Variants in BTG4 observed in about 807,000 individuals in gnomAD.
The protein encoded by BTG4 is protein BTG4.
BTG4 carries 10 observed loss-of-function variants against 19.3 expected under a neutral mutation model. The observed-to-expected ratio is 0.52, with a 90% CI of 0.32 to 0.88. The LOEUF (loss-of-function observed/expected upper bound fraction) is 0.88, where lower values mean the gene tolerates loss of function less well. BTG4 is among the 40% of genes least tolerant of loss of function. The probability of loss-of-function intolerance (pLI) is 0.04; values close to 1 mark genes in which losing one functional copy is unlikely to be tolerated. For missense variants in BTG4, 238 were observed against 281.9 expected (o/e 0.84, Z 1.11); for synonymous variants, 91 against 95.7 (o/e 0.95, Z 0.29).
intron 1 of BTG4, chr11:111,507,895 T>C (rs1866570852): frequency 6.6e-6 from 1 of 152,230 alleles, no homozygotes. Context: ...CAGACCTTTC[T>C]TGGAGAACTC....
chr11:111,488,707 T>C (rs1053273709), intron 5 of BTG4, among the ~76,000 whole-genome samples: 1 of 152,168 alleles, frequency 6.6e-6, no homozygotes, highest in African/African-American at 2.4e-5. Context: ...CTGACAGGTA[T>C]TAACTGCTAG....
the BTG4 span, among the ~76,000 whole-genome samples, chr11:111,434,704 T>TA: frequency 2.0e-3 from 282 of 143,236 alleles, 1 homozygote; most frequent in African/African-American, 4.4e-3. Context: ...AATAATTGTT[T>TA]AAAAAAAAAA....
intron 5 of BTG4, among the ~76,000 whole-genome samples, chr11:111,488,245 T>G (rs964773533): frequency 7.9e-5 from 12 of 152,174 alleles, no homozygotes; most frequent in African/African-American, 2.9e-4. Context: ...GGTACTGGCA[T>G]AAGAACATAC....
At chr11:111,424,300 C>G in the BTG4 span, among the ~76,000 whole-genome samples, 1 of 152,172 alleles carries the variant, frequency 6.6e-6, no homozygotes, top group Non-Finnish European at 1.5e-5. Flanking sequence ...CTAGCCTGGG[C>G]TCTAGAGCTG....
At chr11:111,510,678 G>T (rs1866832666) in intron 1 of BTG4, among the ~76,000 whole-genome samples, 1 of 150,322 alleles carries the variant, frequency 6.7e-6, no homozygotes, top group African/African-American at 2.4e-5. Flanking sequence ...CATATTTTTT[G>T]TCGTTATTTA....
At chr11:111,420,432 A>T in the BTG4 span, among the ~76,000 whole-genome samples, 1 of 152,168 alleles carries the variant, frequency 6.6e-6, no homozygotes, top group Admixed American at 6.5e-5. Context: ...TTACACAAAG[A>T]CCAAAAGACC....
chr11:111,477,666 A>G (rs1348621061), intron 5 of BTG4, among the ~76,000 whole-genome samples: 1 of 152,128 alleles, frequency 6.6e-6, no homozygotes, highest in East Asian at 1.9e-4. Flanking sequence ...TATGGAGGTG[A>G]GTTCTAAAGA....
the BTG4 span, among the ~76,000 whole-genome samples, chr11:111,413,475 C>T: frequency 1.3e-5 from 2 of 152,238 alleles, no homozygotes; most frequent in South Asian, 4.1e-4. Context: ...GTGATAGGTG[C>T]CCTCACATTC....
the BTG4 span, among the ~76,000 whole-genome samples, chr11:111,405,201 C>T: frequency 2.6e-5 from 4 of 151,892 alleles, no homozygotes; most frequent in African/African-American, 4.8e-5. Context: ...GTCAGGAGTT[C>T]GAGGCCAGCC....
chr11:111,390,305 T>C, the BTG4 span, among the ~76,000 whole-genome samples: 2 of 152,278 alleles, frequency 1.3e-5, no homozygotes, highest in Admixed American at 1.3e-4. Context: ...GTATTTGGCA[T>C]TAAGGATGGA....
At chr11:111,417,165 A>G in the BTG4 span, 1 of 152,230 alleles carries the variant, frequency 6.6e-6, no homozygotes, top group African/African-American at 2.4e-5. Context: ...AGCTTTCTTA[A>G]TAGACTGAGA....
At position 111,503,223 on chromosome 11, in the gene BTG4, A is replaced by G. The variant is rs529012382; in HGVS notation, c.-26-4421T>C. ...TTCAAACACTTGTAACCAACAGATTAATGTTATCATTGAAAGAATGAAGTT... is the reference window on the plus strand; with the variant it reads ...TTCAAACACTTGTAACCAACAGATTGATGTTATCATTGAAAGAATGAAGTT... On this transcript the variant is annotated intron_variant, in intron 1 of 4. Coordinates refer to ENST00000692032, the MANE Select transcript of BTG4 (RefSeq NM_001367975.1). Among the ~76,000 whole-genome samples, 7 of 152,338 alleles carry G rather than the reference A, an allele frequency of 4.6e-5. 1 individual carries two copies. The highest frequency in any genetic ancestry group is 1.7e-4 in the African/African-American group (7 of 41,592).
chr11:111,443,259 A>T, the BTG4 span, among the ~76,000 whole-genome samples: 7 of 152,258 alleles, frequency 4.6e-5, no homozygotes, highest in African/African-American at 1.7e-4. Flanking sequence ...GGAAAATTTG[A>T]GAAATTCTCT....
the BTG4 span, among the ~76,000 whole-genome samples, chr11:111,425,780 G>T: frequency 9.9e-3 from 1,502 of 152,278 alleles, 13 homozygotes; most frequent in African/African-American, 0.013. Context: ...GCCTATAATC[G>T]CAGCTCTTTG....
chr11:111,408,840 T>C, the BTG4 span, among the ~76,000 whole-genome samples: 1 of 152,196 alleles, frequency 6.6e-6, no homozygotes, highest in African/African-American at 2.4e-5. Context: ...AATCCCTACC[T>C]TCTAATGAGG....
At chr11:111,437,668 C>T in the BTG4 span, among the ~76,000 whole-genome samples, 34,238 of 151,952 alleles carry the variant, frequency 0.23, 4,058 homozygotes, top group Admixed American at 0.3. Context: ...GTGCCTAGAC[C>T]CCCACCTGTA....
the BTG4 span, among the ~76,000 whole-genome samples, chr11:111,386,806 T>G: frequency 2.0e-5 from 3 of 152,202 alleles, no homozygotes. Flanking sequence ...TTCAGGCAAT[T>G]TCCCACATAT....
intron 2 of BTG4, among the ~76,000 whole-genome samples, 192 bp from the exon 3 acceptor site, chr11:111,498,327 T>C (rs1865863512): frequency 6.6e-6 from 1 of 152,178 alleles, no homozygotes; most frequent in Admixed American, 6.5e-5. Context: ...TCAGAATGTA[T>C]GTTGCATCAC....
the BTG4 span, among the ~76,000 whole-genome samples, chr11:111,414,071 C>A: frequency 6.6e-6 from 1 of 152,180 alleles, no homozygotes; most frequent in African/African-American, 2.4e-5. Context: ...ATGTGTCTTT[C>A]ATTTGCCAAT....
Sources: allele counts gnomAD v4.1 joint callset (sites outside exome capture counted in the v4.1 genomes callset), GRCh38; gene constraint gnomAD v4.1.1; transcripts MANE v1.5; gene names NCBI Gene and HGNC (gene_info 2026-07-23, HGNC 2026-07-21).